Variants in DUSP16 observed in about 807,000 individuals in gnomAD.
DUSP16 encodes the protein dual specificity phosphatase 16.
DUSP16 carries 21 observed loss-of-function variants against 58.3 expected under a neutral mutation model. That is an observed-to-expected ratio of 0.36 (90% CI 0.26 to 0.52). The LOEUF is 0.52. Among genes scored for constraint, DUSP16 ranks in the 20% least tolerant of loss-of-function variants. DUSP16 has a pLI of 0.94. For synonymous variants in DUSP16, 320 were observed against 323.8 expected (o/e 0.99, Z 0.12); for missense variants, 726 against 819.0 (o/e 0.89, Z 1.39).
chr12:12,524,595 G>A (rs1200138746), intron 1 of DUSP16, among the ~76,000 whole-genome samples: 1 of 152,196 alleles, frequency 6.6e-6, no homozygotes, highest in South Asian at 2.1e-4. Flanking sequence ...GATGACAAGA[G>A]AATATTTTGC....
intron 4 of DUSP16, 120 bp downstream of exon 4, chr12:12,500,399 C>CT: frequency 8.2e-7 from 1 of 1,217,602 alleles, no homozygotes. Flanking sequence ...GGGGAGCACA[C>CT]TGAGAATGGC....
At chr12:12,548,279 C>T (rs1368587320) in intron 1 of DUSP16, among the ~76,000 whole-genome samples, 1 of 152,118 alleles carries the variant, frequency 6.6e-6, no homozygotes, top group African/African-American at 2.4e-5. Flanking sequence ...TCACCAATCA[C>T]CAGAGAAATG....
At position 12,474,083 on chromosome 12, in the gene DUSP16, A is replaced by G. The variant is rs928232428; in HGVS notation, c.*2750T>C. The G allele has an allele frequency of 1.3e-5, 2 of 152,242 alleles. No individual in the cohort carries two copies. Among genetic ancestry groups the G allele is most frequent in the African/African-American group, 4.8e-5 (2 of 41,456 alleles). 9.4% of individuals were successfully genotyped at this position (152,242 alleles called of 1,614,324 possible). ...AATGACAGAACACGGAATAAACCTG[A>G]TGACACCACCACTTTATTTTGAGCT... On this transcript the variant is annotated 3_prime_UTR_variant, in exon 7 of 7. Coordinates refer to ENST00000298573, the MANE Select transcript of DUSP16 (RefSeq NM_030640.3).
intron 1 of DUSP16, among the ~76,000 whole-genome samples, chr12:12,523,569 A>G (rs1944263852): frequency 6.6e-6 from 1 of 152,232 alleles, no homozygotes; most frequent in African/African-American, 2.4e-5. Context: ...TCCAAGAAAC[A>G]ACTTTCATTA....
At chr12:12,496,068 T>A (rs1314801461) in intron 4 of DUSP16, among the ~76,000 whole-genome samples, 1 of 152,186 alleles carries the variant, frequency 6.6e-6, no homozygotes, top group Non-Finnish European at 1.5e-5. Flanking sequence ...AGAACTGGGA[T>A]GCAAAACTGT....
chr12:12,479,429 G>A (rs1943520339), intron 6 of DUSP16, among the ~76,000 whole-genome samples: 1 of 152,190 alleles, frequency 6.6e-6, no homozygotes, highest in South Asian at 2.1e-4. Context: ...TCTACATGGA[G>A]CAGGAGGACC....
intron 4 of DUSP16, chr12:12,491,303 A>C (rs1405902136): frequency 6.6e-6 from 1 of 151,998 alleles, no homozygotes; most frequent in Non-Finnish European, 1.5e-5. Context: ...CTCCCGTCTC[A>C]GCCTCCCGAG....
rs550951809 is a variant in DUSP16 at position 12,501,757 on chromosome 12, C to T, written c.368-1075G>A. Among the ~76,000 whole-genome samples, 156 of 152,030 alleles carry T rather than the reference C, an allele frequency of 1.0e-3. 9 individuals carry two copies. Among genetic ancestry groups the T allele is most frequent in the Non-Finnish European group, 2.6e-4 (18 of 67,990 alleles). On this transcript the variant is annotated intron_variant, in intron 3 of 6. Transcript: ENST00000298573. ...CTGTAATCCCCGCACTTTGGGAGGC[C>T]GAGGCAGGCGGATTGCCTGAGGTCA...
intron 1 of DUSP16, among the ~76,000 whole-genome samples, chr12:12,527,797 G>A (rs1357188235): frequency 1.3e-5 from 2 of 152,146 alleles, no homozygotes; most frequent in Non-Finnish European, 2.9e-5. Context: ...TAGACCTGGA[G>A]ACAGCAGTTA....
chr12:12,494,280 GT>G (rs1393494868), intron 4 of DUSP16, among the ~76,000 whole-genome samples: 1 of 152,128 alleles, frequency 6.6e-6, no homozygotes, highest in African/African-American at 2.4e-5. Context: ...CAGAAGGTGT[GT>G]TTACTTAATG....
intron 1 of DUSP16, among the ~76,000 whole-genome samples, chr12:12,537,891 G>A (rs1944492453): frequency 1.3e-5 from 2 of 151,286 alleles, no homozygotes; most frequent in South Asian, 4.2e-4. Flanking sequence ...AAAACTCCAG[G>A]AAAAAAATTA....
At chr12:12,516,804 A>C (rs1944161421) in intron 3 of DUSP16, among the ~76,000 whole-genome samples, 1 of 152,256 alleles carries the variant, frequency 6.6e-6, no homozygotes, top group African/African-American at 2.4e-5. Flanking sequence ...TAAACAATAT[A>C]AAACCTTCAG....
intron 5 of DUSP16, among the ~76,000 whole-genome samples, chr12:12,483,965 T>C (rs1350690034): frequency 6.6e-6 from 1 of 151,666 alleles, no homozygotes; most frequent in East Asian, 1.9e-4. Flanking sequence ...ACTTAAAGTA[T>C]AATAATAAAT....
chr12:12,521,717 A>G (rs982526559), intron 1 of DUSP16, among the ~76,000 whole-genome samples: 1 of 152,264 alleles, frequency 6.6e-6, no homozygotes, highest in South Asian at 2.1e-4. Flanking sequence ...ATCATGAATT[A>G]TAATCACCTA....
chr12:12,537,677 T>C lies in DUSP16; in HGVS notation c.-365-16214A>G, dbSNP rs139205259. Among the ~76,000 whole-genome samples, 281 of 152,348 alleles carry C rather than the reference T, an allele frequency of 1.8e-3. 2 individuals carry two copies. The highest frequency in any genetic ancestry group is 6.5e-3 in the African/African-American group (271 of 41,582). ...ATGCTCACAAAGCTCCACAGTCTAA[T>C]TCTCTACTGGACAGATTATGAAATA... On this transcript the variant is annotated intron_variant, in intron 1 of 6. Coordinates refer to ENST00000298573, the MANE Select transcript of DUSP16 (RefSeq NM_030640.3).
intron 2 of DUSP16, 138 bp downstream of exon 2, chr12:12,520,733 C>G (rs756502768): frequency 1.4e-4 from 121 of 879,718 alleles, no homozygotes; most frequent in Non-Finnish European, 1.9e-4. Context: ...TTTTGAGGTA[C>G]CACAAGGCAC....
intron 4 of DUSP16, among the ~76,000 whole-genome samples, chr12:12,497,365 G>A (rs150504346): frequency 1.3e-3 from 200 of 152,214 alleles, no homozygotes; most frequent in African/African-American, 4.4e-3. Flanking sequence ...TCAGTCCTTC[G>A]TAACAGCCTG....
Position 12,520,895 on chromosome 12 carries a change from G to A in DUSP16, c.204C>T (p.Leu68=). The change falls in exon 2 of 7, where the codon CTC becomes CTT. Residue 68 remains leucine (L), a synonymous_variant. Coordinates refer to ENST00000298573, the MANE Select transcript of DUSP16 (RefSeq NM_030640.3). ...LQQDKVLITE[L]IQHSAKHKVD... ...CCTTATGTTTCGCTGAATGCTGGAT[G>A]AGCTCTGTAATTAACACTTTGTCCT... The A allele has an allele frequency of 6.2e-7, 1 of 1,614,222 alleles. No individual in the cohort carries two copies. The highest frequency in any genetic ancestry group is 8.5e-7 in the Non-Finnish European group (1 of 1,180,030).
chr12:12,479,906 A>G (rs1943531379), intron 6 of DUSP16, among the ~76,000 whole-genome samples: 1 of 152,200 alleles, frequency 6.6e-6, no homozygotes, highest in African/African-American at 2.4e-5. Flanking sequence ...GCAAATTAAA[A>G]CAAAGGATAC....
Sources: allele counts gnomAD v4.1 joint callset (sites outside exome capture counted in the v4.1 genomes callset), GRCh38; gene constraint gnomAD v4.1.1; transcripts MANE v1.5; gene names NCBI Gene and HGNC (gene_info 2026-07-23, HGNC 2026-07-21).